Variants in GCLC observed in about 807,000 individuals in gnomAD.
GCLC encodes the protein glutamate--cysteine ligase catalytic subunit.
Under a neutral mutation model 81.5 loss-of-function variants are expected in GCLC, and 30 were observed. That is an observed-to-expected ratio of 0.37 (90% CI 0.28 to 0.50). GCLC has a LOEUF of 0.50. Among genes scored for constraint, GCLC ranks in the 20% least tolerant of loss-of-function variants. The probability of loss-of-function intolerance (pLI) is 0.96; values close to 1 mark genes in which losing one functional copy is unlikely to be tolerated. For synonymous variants in GCLC, 262 were observed against 273.3 expected, an observed-to-expected ratio of 0.96 and a Z score of 0.41; for missense variants, 556 against 777.4, an observed-to-expected ratio of 0.72 and a Z score of 3.39.
intron 1 of GCLC, among the ~76,000 whole-genome samples, chr6:53,529,129 A>G (rs974359413): frequency 2.0e-5 from 3 of 152,240 alleles, no homozygotes; most frequent in Non-Finnish European, 2.9e-5. Context: ...AGAGTAGAAC[A>G]TTTCTCTTAC....
intron 1 of GCLC, among the ~76,000 whole-genome samples, chr6:53,533,882 C>A (rs1561950908): frequency 6.6e-6 from 1 of 151,614 alleles, no homozygotes; most frequent in Non-Finnish European, 1.5e-5. Context: ...GCAACCTCTG[C>A]CTCTCAGGTT....
chr6:53,522,864 G>T, intron 1 of GCLC: 1 of 235,026 alleles, frequency 4.3e-6, no homozygotes, highest in Non-Finnish European at 8.5e-6. Flanking sequence ...AAAAGAAGCT[G>T]CATTTTAAAA....
At chr6:53,516,362 T>A in intron 3 of GCLC, 140 bp from the exon 4 acceptor site, 1 of 679,136 alleles carries the variant, frequency 1.5e-6, no homozygotes, top group Non-Finnish European at 2.7e-6. Flanking sequence ...ACAAAACAGA[T>A]GTTGTGTAAA....
chr6:53,524,311 C>T (rs1763046485), intron 1 of GCLC, among the ~76,000 whole-genome samples: 1 of 152,200 alleles, frequency 6.6e-6, no homozygotes, highest in Admixed American at 6.5e-5. Flanking sequence ...CCCAGCACAC[C>T]TTGCTGCTAG....
At chr6:53,532,840 G>A (rs1346206195) in intron 1 of GCLC, among the ~76,000 whole-genome samples, 5 of 152,028 alleles carry the variant, frequency 3.3e-5, no homozygotes, top group Non-Finnish European at 7.4e-5. Flanking sequence ...TGTTTTGGGG[G>A]CTCTTTCGTA....
At chr6:53,524,596 G>T (rs1261691337) in intron 1 of GCLC, among the ~76,000 whole-genome samples, 2 of 152,198 alleles carry the variant, frequency 1.3e-5, no homozygotes, top group African/African-American at 4.8e-5. Context: ...CCAGCTAGGA[G>T]GAAATGTTCC....
intron 6 of GCLC, chr6:53,509,508 C>G: frequency 1.8e-6 from 1 of 560,616 alleles, no homozygotes; most frequent in Admixed American, 3.1e-5. Flanking sequence ...ATTAAATAGT[C>G]AAAAAAGAAA....
intron 3 of GCLC, among the ~76,000 whole-genome samples, chr6:53,518,799 TA>T (rs1425959658): frequency 6.6e-6 from 1 of 152,180 alleles, no homozygotes; most frequent in African/African-American, 2.4e-5. Context: ...AATGAACATA[TA>T]AGGTATTAAA....
intron 11 of GCLC, 49 bp from the exon 12 acceptor site, chr6:53,505,545 G>A: frequency 1.0e-6 from 1 of 957,588 alleles, no homozygotes. Flanking sequence ...ACACAAACAT[G>A]CTCTTCCCTG....
At chr6:53,532,328 A>T (rs1455038760) in intron 1 of GCLC, among the ~76,000 whole-genome samples, 2 of 152,224 alleles carry the variant, frequency 1.3e-5, no homozygotes, top group African/African-American at 2.4e-5. Flanking sequence ...CTTGCAGTAC[A>T]TCCTGAGCTG....
intron 1 of GCLC, among the ~76,000 whole-genome samples, chr6:53,536,718 C>T (rs1581749598): frequency 6.6e-6 from 1 of 152,176 alleles, no homozygotes; most frequent in South Asian, 2.1e-4. Flanking sequence ...CAGAGTCTTA[C>T]TGAATGTTAC....
intron 1 of GCLC, among the ~76,000 whole-genome samples, chr6:53,534,390 C>T (rs928160191): frequency 2.0e-5 from 3 of 150,438 alleles, no homozygotes; most frequent in African/African-American, 7.4e-5. Context: ...GAGAACACAG[C>T]TAAAAGGATA....
chr6:53,544,516 C>G lies in GCLC; in HGVS notation c.130G>C (p.Val44Leu). ...CTCACCTCATCGCCCCACTTGAGAA[C>G]GTCCTTGTGCCGGTCCTTGACGGCG... Reference protein sequence around the residue: ...YHAVKDRHKDVLKWGDEVEYM... With the variant: ...YHAVKDRHKDLLKWGDEVEYM... The change falls in exon 1 of 16, where the codon GTT (valine) becomes CTT (leucine). Residue 44 changes from valine (V) to leucine (L), a missense_variant. Around this residue, in one of 3 missense-constraint regions of GCLC, gnomAD observed 234 missense variants for 303.8 expected, o/e 0.77. Coordinates refer to ENST00000650454, the MANE Select transcript of GCLC (RefSeq NM_001498.4). The G allele has an allele frequency of 1.2e-6, 2 of 1,608,902 alleles. No individual in the cohort carries two copies. The highest frequency in any genetic ancestry group is 1.7e-6 in the Non-Finnish European group (2 of 1,179,616).
rs537294716 is a variant in GCLC at position 53,534,188 on chromosome 6, G to A, written c.150+10308C>T. On this transcript the variant is annotated intron_variant, in intron 1 of 15. Transcript: ENST00000650454. Reference sequence around the variant, plus strand: ...AAAGCTCATTAATAAAATGTATGTCGACTTTGAAACTAATTGTGTTTTTAC... The same window carrying A: ...AAAGCTCATTAATAAAATGTATGTCAACTTTGAAACTAATTGTGTTTTTAC... Among the ~76,000 whole-genome samples the A allele has an allele frequency of 8.5e-5, 13 of 152,220 alleles. No individual in the cohort carries two copies. The South Asian group carries it at 1.9e-3, about 22-fold the overall frequency.
intron 1 of GCLC, 29 bp from the exon 2 acceptor site, chr6:53,522,556 A>G: frequency 7.2e-7 from 1 of 1,387,750 alleles, no homozygotes; most frequent in East Asian, 2.3e-5. Flanking sequence ...AGAAAAATTA[A>G]CATTCTTCCA....
chr6:53,544,526 C>A lies in GCLC; in HGVS notation c.120G>T (p.Arg40=), dbSNP rs1016777353. 6.2e-7 allele frequency: 1 copy of A among 1,609,080 alleles called. No homozygotes were observed. Among genetic ancestry groups the A allele is most frequent in the Non-Finnish European group, 8.5e-7 (1 of 1,179,634 alleles). Residue 40 remains arginine (R), a synonymous_variant, in exon 1 of 16, where the codon CGG becomes CGT. Transcript: ENST00000650454. ...FLHIYHAVKD[R]HKDVLKWGDE... ...CGCCCCACTTGAGAACGTCCTTGTG[C>A]CGGTCCTTGACGGCGTGGTAGATGT...
chr6:53,540,566 T>C (rs528729301), intron 1 of GCLC, among the ~76,000 whole-genome samples: 3 of 152,152 alleles, frequency 2.0e-5, no homozygotes, highest in Non-Finnish European at 4.4e-5. Flanking sequence ...CAAGATAAAC[T>C]AGTTCTAGAG....
rs1764813874 is a variant in GCLC, at chr6:53,514,185, T to C, written c.753+19A>G. On this transcript the variant is annotated intron_variant, in intron 6 of 15. Coordinates refer to ENST00000650454, the MANE Select transcript of GCLC (RefSeq NM_001498.4). ...AAATGGATGGAACACTTTGCCTCTC[T>C]GTATATTTGAAACTATACCTGGAGA... 1.2e-6 allele frequency: 2 copies of C among 1,611,170 alleles called. No homozygotes were observed. Among genetic ancestry groups the C allele is most frequent in the South Asian group, 2.2e-5 (2 of 91,012 alleles).
chr6:53,540,367 AG>A (rs1763332180), intron 1 of GCLC, among the ~76,000 whole-genome samples: 1 of 151,420 alleles, frequency 6.6e-6, no homozygotes, highest in Non-Finnish European at 1.5e-5. Flanking sequence ...GGGACAATTT[AG>A]ATGACCCTTG....
Sources: gnomAD v4.1 joint callset for allele counts (sites outside exome capture counted in the v4.1 genomes callset) on GRCh38, gnomAD v4.1.1 for gene constraint, gnomAD v4.1.1 regional missense constraint, MANE v1.5 for transcripts, NCBI Gene and HGNC (gene_info 2026-07-23, HGNC 2026-07-21) for gene names.